ATP11A: variants seen among roughly 807,000 people sequenced by gnomAD.
ATP11A encodes the protein phospholipid-transporting ATPase IH.
A neutral mutation model predicts 154.4 loss-of-function variants in ATP11A; 81 were observed. The ratio of observed to expected loss-of-function variants is 0.52; its 90% CI spans 0.44 to 0.63. ATP11A has a LOEUF of 0.63. Ranked by LOEUF, ATP11A falls within the 30% of genes least tolerant of loss-of-function variation. ATP11A has a pLI of 0.00. For missense variants in ATP11A, 1,316 were observed against 1,474.3 expected, an observed-to-expected ratio of 0.89 and a Z score of 1.76; for synonymous variants, 623 against 585.9, an observed-to-expected ratio of 1.06 and a Z score of -0.91.
chr13:112,785,117 C>G lies in ATP11A; in HGVS notation c.40-18C>G, dbSNP rs202173070. 3 of 1,453,026 alleles carry G rather than the reference C, an allele frequency of 2.1e-6. No individual in the cohort carries two copies. 90.0% of individuals were successfully genotyped at this position (1,453,026 alleles called of 1,614,324 possible). A position where few individuals can be genotyped will look rare whatever the true frequency, so the allele number is the denominator to read the frequency against. ...CAGGTTCTGAGGCAGCTGCCTAACA[C>G]CGCTCTCCTTTCCGCAGTGTGCAGG... On this transcript the variant is annotated intron_variant, in intron 1 of 29. Transcript: ENST00000375645. The surrounding 1 kb of genome is among the most constrained non-coding windows in gnomAD (Gnocchi z 4.8).
intron 1 of ATP11A, among the ~76,000 whole-genome samples, chr13:112,740,002 G>A (rs898200778): frequency 3.9e-5 from 6 of 152,132 alleles, no homozygotes; most frequent in Non-Finnish European, 8.8e-5. Context: ...TGTAGGTCTT[G>A]TGCCTTCTTG....
chr13:112,837,187 C>T (rs759126370), intron 16 of ATP11A, among the ~76,000 whole-genome samples: 17 of 152,334 alleles, frequency 1.1e-4, no homozygotes, highest in South Asian at 2.1e-4. Context: ...GAGCTCCCAC[C>T]GCCCCCTCTG....
chr13:112,873,093 CTTAA>C (rs2080586394), intron 26 of ATP11A, among the ~76,000 whole-genome samples: 1 of 128,118 alleles, frequency 7.8e-6, no homozygotes, highest in Non-Finnish European at 1.7e-5. Flanking sequence ...GCTTTGTCTC[CTTAA>C]TGGTGTGAGG....
At chr13:112,866,426 G>T (rs1420292356) in intron 25 of ATP11A, among the ~76,000 whole-genome samples, 1 of 151,906 alleles carries the variant, frequency 6.6e-6, no homozygotes, top group Non-Finnish European at 1.5e-5. Context: ...TTTCCGAATT[G>T]ACTGGATTCA....
chr13:112,752,832 G>A (rs964647678), intron 1 of ATP11A, among the ~76,000 whole-genome samples: 1 of 151,992 alleles, frequency 6.6e-6, no homozygotes, highest in African/African-American at 2.4e-5. Flanking sequence ...GTGTAGCATC[G>A]GGACTTTCCA....
intron 1 of ATP11A, among the ~76,000 whole-genome samples, chr13:112,766,772 T>G (rs2077087163): frequency 1.3e-5 from 2 of 149,252 alleles, no homozygotes; most frequent in East Asian, 2.0e-4. Context: ...GCTTTGAACA[T>G]GGATTCCTGT....
At chr13:112,844,947 C>T (rs112376411) in intron 17 of ATP11A, among the ~76,000 whole-genome samples, 46 of 151,518 alleles carry the variant, frequency 3.0e-4, no homozygotes, top group African/African-American at 7.1e-4. Context: ...GTCCAGTTGC[C>T]GGGCACTAGC....
At chr13:112,802,235 A>T (rs1389011166) in intron 2 of ATP11A, among the ~76,000 whole-genome samples, 1 of 152,144 alleles carries the variant, frequency 6.6e-6, no homozygotes, top group Non-Finnish European at 1.5e-5. Context: ...AGTCCCAATT[A>T]CTCAGGAGGC....
At chr13:112,809,189 C>G (rs972659027) in intron 4 of ATP11A, among the ~76,000 whole-genome samples, 1 of 152,160 alleles carries the variant, frequency 6.6e-6, no homozygotes, top group Non-Finnish European at 1.5e-5. Flanking sequence ...TACCCACTGC[C>G]ACCTTCCAGG....
chr13:112,865,049 A>G (rs374757972), intron 25 of ATP11A, among the ~76,000 whole-genome samples: 436 of 75,028 alleles, frequency 5.8e-3, no homozygotes, highest in Middle Eastern at 0.047. Flanking sequence ...TCAGCGTAGC[A>G]CGTGCAGCTT....
intron 29 of ATP11A, chr13:112,881,080 C>T (rs1303551876): frequency 1.0e-6 from 1 of 987,514 alleles, no homozygotes; most frequent in Non-Finnish European, 1.2e-6. Flanking sequence ...AGCCGGAGCA[C>T]ATAGCTTGTC....
intron 6 of ATP11A, 52 bp from the exon 7 acceptor site, chr13:112,819,252 G>T: frequency 1.3e-6 from 2 of 1,532,408 alleles, no homozygotes; most frequent in Non-Finnish European, 1.8e-6. Flanking sequence ...CCAGCGTCTG[G>T]GTTTGTGTTG....
chr13:112,769,635 T>A (rs2077179808), intron 1 of ATP11A, among the ~76,000 whole-genome samples: 1 of 152,192 alleles, frequency 6.6e-6, no homozygotes, highest in African/African-American at 2.4e-5. Context: ...GAGATGAGCC[T>A]CAGTGACAGG....
rs189106977 is a variant in ATP11A at position 112,761,333 on chromosome 13, A to G, written c.40-23802A>G. ...GAAAAAGAAAATGGTACGCTCAGCA[A>G]TCTCAGGAGATGTTGTTATGTTGCC... On this transcript the variant is annotated intron_variant, in intron 1 of 29. Coordinates refer to ENST00000375645, the MANE Select transcript of ATP11A (RefSeq NM_015205.3). 2.3e-4 allele frequency among the ~76,000 whole-genome samples: 35 copies of G among 152,332 alleles called. No homozygotes were observed. In the South Asian group the frequency reaches 2.7e-3, roughly 12 times the overall value.
chr13:112,758,178 C>G (rs977365076), intron 1 of ATP11A, among the ~76,000 whole-genome samples: 8 of 152,120 alleles, frequency 5.3e-5, no homozygotes, highest in African/African-American at 1.9e-4. Context: ...TCTCCTGCCT[C>G]AACCTCCCAA....
intron 13 of ATP11A, among the ~76,000 whole-genome samples, chr13:112,831,940 TG>T (rs2079100847): frequency 8.3e-6 from 1 of 120,658 alleles, no homozygotes; most frequent in African/African-American, 3.9e-5. Flanking sequence ...CAGACACACA[TG>T]CACACATGCA....
chr13:112,748,191 C>A (rs904720878), intron 1 of ATP11A, among the ~76,000 whole-genome samples: 7 of 152,194 alleles, frequency 4.6e-5, no homozygotes, highest in African/African-American at 1.7e-4. Context: ...AAATCCAAAG[C>A]ACATCTGGTC....
chr13:112,851,056 G>C lies in ATP11A; in HGVS notation c.1829G>C (p.Cys610Ser), dbSNP rs775232905. 1 of 1,614,126 alleles carries C rather than the reference G, an allele frequency of 6.2e-7. No homozygotes were observed. The highest frequency in any genetic ancestry group is 8.5e-7 in the Non-Finnish European group (1 of 1,179,962). ...CTGCAGGAGGGGCTCCGAACTTTGT[G>C]TGTTGCTTATAAAAGGCTGATCCAA... ...RNAVEGLRTL[C>S]VAYKRLIQEE... Residue 610 changes from cysteine to serine, a missense_variant, in exon 18 of 30, where the codon TGT (cysteine) becomes TCT (serine). This residue lies in a region of ATP11A where 876 missense variants were observed against 1,006.8 expected (regional missense o/e 0.87). Coordinates refer to ENST00000375645, the MANE Select transcript of ATP11A (RefSeq NM_015205.3).
At chr13:112,867,516 T>G (rs577993261) in intron 25 of ATP11A, among the ~76,000 whole-genome samples, 33 of 152,280 alleles carry the variant, frequency 2.2e-4, no homozygotes, top group African/African-American at 7.2e-4. Context: ...TGCCAGGGGC[T>G]TCTCTCAGCC....
Sources: allele counts gnomAD v4.1 joint callset (sites outside exome capture counted in the v4.1 genomes callset), GRCh38; gene constraint gnomAD v4.1.1; regional missense constraint gnomAD v4.1.1; non-coding constraint Gnocchi (gnomAD v3.1); transcripts MANE v1.5; gene names NCBI Gene and HGNC (gene_info 2026-07-23, HGNC 2026-07-21).